NRG1: variants seen among roughly 807,000 people sequenced by gnomAD.
The protein encoded by NRG1 is neuregulin 1.
Under a neutral mutation model 63.8 loss-of-function variants are expected in NRG1, and 18 were observed. The ratio of observed to expected loss-of-function variants is 0.28; its 90% CI spans 0.19 to 0.42. The LOEUF (loss-of-function observed/expected upper bound fraction) is 0.42, where lower values mean the gene tolerates loss of function less well. Ranked by LOEUF, NRG1 falls within the 10% of genes least tolerant of loss-of-function variation. NRG1 has a pLI of 1.00. For missense variants in NRG1, 762 were observed against 814.7 expected (o/e 0.94, Z 0.79); for synonymous variants, 302 against 301.3 (o/e 1.00, Z -0.02).
chr8:31,749,437 C>G lies in NRG1; in HGVS notation c.37+110006C>G, dbSNP rs536169087. Reference sequence around the variant, plus strand: ...TGTCTTTAATTAGTAGGATTCTAAGCAGCACAAGAAAATATAGAAAAAGAT... The same window carrying G: ...TGTCTTTAATTAGTAGGATTCTAAGGAGCACAAGAAAATATAGAAAAAGAT... On this transcript the variant is annotated intron_variant, in intron 1 of 10. Transcript: ENST00000519301. Among the ~76,000 whole-genome samples the G allele has an allele frequency of 2.0e-5, 3 of 151,730 alleles. No homozygotes were observed. The East Asian group carries it at 5.8e-4, about 30-fold the overall frequency.
chr8:32,043,744 G>A (rs962366683), intron 1 of NRG1, among the ~76,000 whole-genome samples: 1 of 151,776 alleles, frequency 6.6e-6, no homozygotes, highest in Non-Finnish European at 1.5e-5. Context: ...TGAAAATTAA[G>A]CATGTATATA....
At chr8:31,890,666 T>C (rs576788696) in intron 1 of NRG1, among the ~76,000 whole-genome samples, 2 of 152,304 alleles carry the variant, frequency 1.3e-5, no homozygotes, top group South Asian at 2.1e-4. Context: ...AATGAAACTT[T>C]AGAATACCAA....
intron 1 of NRG1, among the ~76,000 whole-genome samples, chr8:31,838,777 G>GA (rs969030196): frequency 3.3e-5 from 5 of 151,558 alleles, no homozygotes; most frequent in Admixed American, 1.3e-4. Context: ...TTTCACTTTA[G>GA]AAAAAAAATA....
At chr8:31,840,088 GA>G (rs1304509264) in intron 1 of NRG1, among the ~76,000 whole-genome samples, 1 of 152,206 alleles carries the variant, frequency 6.6e-6, no homozygotes, top group Non-Finnish European at 1.5e-5. Flanking sequence ...TGTTCATGGG[GA>G]AAAGGACAAA....
chr8:32,024,988 T>G (rs1285747605), intron 1 of NRG1, among the ~76,000 whole-genome samples: 1 of 152,200 alleles, frequency 6.6e-6, no homozygotes, highest in Non-Finnish European at 1.5e-5. Flanking sequence ...ATAAAATTTC[T>G]AGAAGGAAGA....
At position 32,748,354 on chromosome 8, in the gene NRG1, C is replaced by G. The variant is rs1184673905; in HGVS notation, c.691+5621C>G. On this transcript the variant is annotated intron_variant, in intron 7 of 11. Transcript: ENST00000356819. ...GCGCGCGCGCGCACACACACACACA[C>G]ACACAGAGAGAGAGAGAGAGAGAGA... is the stretch of plus-strand genomic sequence containing the variant. Among the ~76,000 whole-genome samples, 49 of 91,368 alleles carry G rather than the reference C, an allele frequency of 5.4e-4. 1 individual carries two copies. The South Asian group carries it at 0.021, about 39-fold the overall frequency. 59.9% of individuals were successfully genotyped at this position (91,368 alleles called of 152,430 possible).
intron 1 of NRG1, among the ~76,000 whole-genome samples, chr8:32,229,285 A>G (rs1846652523): frequency 6.6e-6 from 1 of 152,144 alleles, no homozygotes; most frequent in Admixed American, 6.5e-5. Flanking sequence ...AAATAATGTA[A>G]GGTTTTGTGT....
chr8:32,269,484 T>C (rs1851327639), intron 1 of NRG1, among the ~76,000 whole-genome samples: 1 of 152,162 alleles, frequency 6.6e-6, no homozygotes, highest in Non-Finnish European at 1.5e-5. Flanking sequence ...TTTGATCTGC[T>C]TGTCATCTCA....
intron 1 of NRG1, among the ~76,000 whole-genome samples, chr8:32,306,354 C>A (rs933112809): frequency 1.3e-5 from 2 of 152,182 alleles, no homozygotes; most frequent in African/African-American, 4.8e-5. Context: ...ATGATTTATT[C>A]ATAGGGAAAG....
chr8:32,044,504 C>T (rs1455231262), intron 1 of NRG1, among the ~76,000 whole-genome samples: 1 of 151,764 alleles, frequency 6.6e-6, no homozygotes, highest in South Asian at 2.1e-4. Context: ...AATAGGCATT[C>T]TTTTCAAGTG....
chr8:31,749,678 C>T (rs1289232558), intron 1 of NRG1, among the ~76,000 whole-genome samples: 1 of 150,258 alleles, frequency 6.7e-6, no homozygotes, highest in Non-Finnish European at 1.5e-5. Flanking sequence ...GAAGCAAAGA[C>T]AGTAATGGGA....
At chr8:32,637,453 C>G (rs1031950276) in intron 5 of NRG1, among the ~76,000 whole-genome samples, 1 of 152,102 alleles carries the variant, frequency 6.6e-6, no homozygotes, top group East Asian at 1.9e-4. Flanking sequence ...ACAGTAGCAG[C>G]CTTCTTGTTC....
At chr8:32,398,136 A>G (rs1812681835) in intron 1 of NRG1, among the ~76,000 whole-genome samples, 1 of 152,128 alleles carries the variant, frequency 6.6e-6, no homozygotes, top group South Asian at 2.1e-4. Context: ...AATTTCCTTT[A>G]GTTTATATAT....
At chr8:31,879,831 T>C (rs926391728) in intron 1 of NRG1, among the ~76,000 whole-genome samples, 2 of 152,194 alleles carry the variant, frequency 1.3e-5, no homozygotes, top group Non-Finnish European at 2.9e-5. Flanking sequence ...GTTTCTGCAT[T>C]AGTTTGCTAA....
At chr8:32,014,146 T>C (rs1815149828) in intron 1 of NRG1, among the ~76,000 whole-genome samples, 1 of 152,142 alleles carries the variant, frequency 6.6e-6, no homozygotes, top group African/African-American at 2.4e-5. Context: ...CTTTGGGCAG[T>C]ATGGCCATTT....
chr8:32,591,009 C>T (rs1011524072), intron 1 of NRG1, among the ~76,000 whole-genome samples: 1 of 152,144 alleles, frequency 6.6e-6, no homozygotes, highest in Non-Finnish European at 1.5e-5. Context: ...CCTGAGTGAG[C>T]GAGAACCTTT....
chr8:32,661,420 A>G lies in NRG1; in HGVS notation c.502+44535A>G, dbSNP rs1457482501. Among the ~76,000 whole-genome samples the G allele has an allele frequency of 2.0e-5, 3 of 152,324 alleles. No individual in the cohort carries two copies. The East Asian group carries it at 5.8e-4, about 29-fold the overall frequency. On this transcript the variant is annotated intron_variant, in intron 5 of 11. Transcript: ENST00000356819. Reference sequence around the variant, plus strand: ...GATAAGATAACAGTGATTTGGAAGTATCTCAGTGTTATTAAACAAGATCAC... The same window carrying G: ...GATAAGATAACAGTGATTTGGAAGTGTCTCAGTGTTATTAAACAAGATCAC...
At position 32,396,189 on chromosome 8, in the gene NRG1, T is replaced by A. The variant is rs183453883; in HGVS notation, c.38-199639T>A. 3.7e-3 allele frequency among the ~76,000 whole-genome samples: 566 copies of A among 152,130 alleles called. 3 individuals carry two copies. Among genetic ancestry groups the A allele is most frequent in the Non-Finnish European group, 5.4e-3 (364 of 67,978 alleles). On this transcript the variant is annotated intron_variant, in intron 1 of 10. Transcript: ENST00000519301. ...CCCCAATGTTTTTCTTTTTAGACAT[T>A]TTTTTTGGCTACTGCAGGTTCTGTG...
chr8:32,391,931 G>C (rs1473910954), intron 1 of NRG1, among the ~76,000 whole-genome samples: 1 of 152,168 alleles, frequency 6.6e-6, no homozygotes, highest in Non-Finnish European at 1.5e-5. Context: ...AATGTGAACA[G>C]AATTTGTGGA....
Sources: gnomAD v4.1 joint callset for allele counts (sites outside exome capture counted in the v4.1 genomes callset) on GRCh38, gnomAD v4.1.1 for gene constraint, MANE v1.5 for transcripts, NCBI Gene and HGNC (gene_info 2026-07-23, HGNC 2026-07-21) for gene names.